MPHOSPH6: variants seen among roughly 807,000 people sequenced by gnomAD.
MPHOSPH6 encodes M-phase phosphoprotein 6.
A neutral mutation model predicts 21.8 loss-of-function variants in MPHOSPH6; 25 were observed. That is an observed-to-expected ratio of 1.15 (90% CI 0.83 to 1.60). The LOEUF (loss-of-function observed/expected upper bound fraction) is 1.60, where lower values mean the gene tolerates loss of function less well. Among genes scored for constraint, MPHOSPH6 ranks in the 40% most tolerant of loss-of-function variants. MPHOSPH6 has a pLI of 0.00. For synonymous variants in MPHOSPH6, 84 were observed against 56.5 expected (o/e 1.49, Z -2.18); for missense variants, 269 against 181.8 (o/e 1.48, Z -2.76).
intron 2 of MPHOSPH6, among the ~76,000 whole-genome samples, chr16:82,163,482 C>T (rs1362264747): frequency 1.3e-5 from 2 of 152,168 alleles, no homozygotes; most frequent in African/African-American, 4.8e-5. Context: ...TGAAGCTGGG[C>T]AAGTTACCCT....
Position 82,148,445 on chromosome 16 carries a change from A to G in MPHOSPH6, c.*286T>C, listed in dbSNP as rs1033022715. 3.6e-6 allele frequency: 1 copy of G among 277,836 alleles called. No homozygotes were observed. The highest frequency in any genetic ancestry group is 2.2e-5 in the African/African-American group (1 of 46,174). The allele number at this position is 277,836 out of a possible 1,614,324, so 17.2% of individuals were successfully genotyped here. ...ATTCAAGGTCAGTGACTGGAGAACT[A>G]TATTAAGAGAAACCTGAGGTAAAAA... On this transcript the variant is annotated 3_prime_UTR_variant, in exon 5 of 5. Coordinates refer to ENST00000258169, the MANE Select transcript of MPHOSPH6 (RefSeq NM_005792.2).
At chr16:82,157,775 T>C (rs914610213) in intron 2 of MPHOSPH6, among the ~76,000 whole-genome samples, 6 of 152,166 alleles carry the variant, frequency 3.9e-5, no homozygotes, top group African/African-American at 1.4e-4. Context: ...AAGCAAGATA[T>C]GAGGATGCCC....
intron 4 of MPHOSPH6, 91 bp downstream of exon 4, chr16:82,149,218 G>T (rs1906183849): frequency 1.5e-6 from 2 of 1,322,578 alleles, no homozygotes. Flanking sequence ...TCCCTTGAAA[G>T]CTGCCGTGCA....
rs145827911 is a variant in MPHOSPH6, at chr16:82,168,888, G to C, written c.51+1237C>G. Among the ~76,000 whole-genome samples, 93 of 152,326 alleles carry C rather than the reference G, an allele frequency of 6.1e-4. No individual in the cohort carries two copies. The East Asian group carries it at 0.014, about 23-fold the overall frequency. The stretch of plus-strand genomic sequence containing the variant: ...GTAGTGCTTAGTGACAGGCATCACA[G>C]AGTACAGAGTAGTAATAAAGAGCCA... On this transcript the variant is annotated intron_variant, in intron 1 of 4. Coordinates refer to ENST00000258169, the MANE Select transcript of MPHOSPH6 (RefSeq NM_005792.2).
At chr16:82,157,061 A>C (rs1349771366) in intron 2 of MPHOSPH6, among the ~76,000 whole-genome samples, 1 of 152,112 alleles carries the variant, frequency 6.6e-6, no homozygotes, top group Non-Finnish European at 1.5e-5. Flanking sequence ...AAAAAAAATA[A>C]ATAAATAAAA....
intron 1 of MPHOSPH6, among the ~76,000 whole-genome samples, chr16:82,165,701 A>G (rs1469237567): frequency 6.6e-6 from 1 of 152,270 alleles, no homozygotes; most frequent in Non-Finnish European, 1.5e-5. Flanking sequence ...TACAGTATTC[A>G]GTACAGTAGC....
rs536932686 is a variant in MPHOSPH6, at chr16:82,165,913, G to T, written c.52-1719C>A. 3.3e-5 allele frequency among the ~76,000 whole-genome samples: 5 copies of T among 152,342 alleles called. No homozygotes were observed. In the East Asian group the frequency reaches 9.6e-4, roughly 29 times the overall value. On this transcript the variant is annotated intron_variant, in intron 1 of 4. Coordinates refer to ENST00000258169, the MANE Select transcript of MPHOSPH6 (RefSeq NM_005792.2). Reference sequence around the variant, plus strand: ...ACACATGATGGTGATAACATCAAGTGCTGAAGAGAATGTGAAGAAACTGAT... The same window carrying T: ...ACACATGATGGTGATAACATCAAGTTCTGAAGAGAATGTGAAGAAACTGAT...
At position 82,148,541 on chromosome 16, in the gene MPHOSPH6, A is replaced by G; in HGVS notation, c.*190T>C. On this transcript the variant is annotated 3_prime_UTR_variant, in exon 5 of 5. Coordinates refer to ENST00000258169, the MANE Select transcript of MPHOSPH6 (RefSeq NM_005792.2). ...GGGGCTAAAAATCCACTCTGAATGA[A>G]TACCAAGAAGCAAAGGATGTACAAC... The G allele has an allele frequency of 1.5e-6, 1 of 646,856 alleles. No homozygotes were observed. The highest frequency in any genetic ancestry group is 2.4e-6 in the Non-Finnish European group (1 of 424,168). The allele number at this position is 646,856 out of a possible 1,614,324, so 40.1% of individuals were successfully genotyped here. A position where few individuals can be genotyped will look rare whatever the true frequency, so the allele number is the denominator to read the frequency against.
rs555408296 is a variant in MPHOSPH6 at position 82,155,058 on chromosome 16, T to C, written c.165-3544A>G. ...TCAGAAATACAAGGCTGTTCTGATA[T>C]TCAAAAGTCAATAGTTTTCAACACA... is the stretch of plus-strand genomic sequence containing the variant. On this transcript the variant is annotated intron_variant, in intron 2 of 4. Transcript: ENST00000258169. Among the ~76,000 whole-genome samples, 7 of 152,350 alleles carry C rather than the reference T, an allele frequency of 4.6e-5. No individual in the cohort carries two copies. The South Asian group carries it at 8.3e-4, about 18-fold the overall frequency.
At chr16:82,159,659 G>A (rs1906545056) in intron 2 of MPHOSPH6, among the ~76,000 whole-genome samples, 1 of 152,160 alleles carries the variant, frequency 6.6e-6, no homozygotes, top group Non-Finnish European at 1.5e-5. Flanking sequence ...GCCTGCCTCG[G>A]CCTCCCAAAG....
chr16:82,158,498 CAAAAAAAA>C (rs3037959), intron 2 of MPHOSPH6, among the ~76,000 whole-genome samples: 2 of 81,502 alleles, frequency 2.5e-5, no homozygotes, highest in Admixed American at 3.2e-4. Flanking sequence ...GACTCCGTCT[CAAAAAAAA>C]AAAAAAAAAA....
At chr16:82,150,013 C>CTTT (rs68120502) in intron 3 of MPHOSPH6, among the ~76,000 whole-genome samples, 51 of 147,160 alleles carry the variant, frequency 3.5e-4, no homozygotes, top group Admixed American at 1.0e-3. Context: ...ATCCTCTGAC[C>CTTT]TTTTTTTTTT....
At chr16:82,168,756 G>T (rs575648076) in intron 1 of MPHOSPH6, among the ~76,000 whole-genome samples, 14 of 152,314 alleles carry the variant, frequency 9.2e-5, no homozygotes, top group Admixed American at 8.5e-4. Flanking sequence ...ACAGGCATGA[G>T]CCACTGCGAA....
chr16:82,156,064 C>T (rs941821860), intron 2 of MPHOSPH6, among the ~76,000 whole-genome samples: 2 of 152,154 alleles, frequency 1.3e-5, no homozygotes, highest in African/African-American at 2.4e-5. Context: ...AAATATCTTA[C>T]CATCTTGGCA....
chr16:82,157,957 T>C (rs1421380217), intron 2 of MPHOSPH6, among the ~76,000 whole-genome samples: 1 of 152,124 alleles, frequency 6.6e-6, no homozygotes, highest in African/African-American at 2.4e-5. Context: ...GTGTTGACAT[T>C]TGCAGACTGT....
chr16:82,152,567 G>A, intron 2 of MPHOSPH6, among the ~76,000 whole-genome samples: 1 of 152,156 alleles, frequency 6.6e-6, no homozygotes, highest in Non-Finnish European at 1.5e-5. Context: ...AAGGCTGAAG[G>A]GGCAGAATTG....
chr16:82,157,188 T>G (rs1456534789), intron 2 of MPHOSPH6, among the ~76,000 whole-genome samples: 1 of 152,182 alleles, frequency 6.6e-6, no homozygotes, highest in Non-Finnish European at 1.5e-5. Flanking sequence ...ATTAAAAAGA[T>G]ATCTAACTCC....
chr16:82,161,768 T>G (rs185165242), intron 2 of MPHOSPH6, among the ~76,000 whole-genome samples: 1 of 152,188 alleles, frequency 6.6e-6, no homozygotes, highest in Non-Finnish European at 1.5e-5. Flanking sequence ...TGCCCTTCAG[T>G]TGTTCCAAGT....
intron 1 of MPHOSPH6, 115 bp downstream of exon 1, chr16:82,170,010 G>A (rs1567618020): frequency 8.6e-7 from 1 of 1,161,856 alleles, no homozygotes; most frequent in African/African-American, 1.6e-5. Context: ...ACGAGAGCTG[G>A]AAGCCCTCTG....
Sources: allele counts gnomAD v4.1 joint callset (sites outside exome capture counted in the v4.1 genomes callset), GRCh38; gene constraint gnomAD v4.1.1; transcripts MANE v1.5; gene names NCBI Gene and HGNC (gene_info 2026-07-23, HGNC 2026-07-21).